CIDEA: variants seen among roughly 807,000 people sequenced by gnomAD.
CIDEA encodes cell death inducing DFFA like effector a, also known as lipid transferase CIDEA.
A neutral mutation model predicts 18.2 loss-of-function variants in CIDEA; 10 were observed. The observed-to-expected ratio is 0.55, with a 90% confidence interval of 0.34 to 0.93. CIDEA has a LOEUF of 0.93. Among genes scored for constraint, CIDEA ranks in the 40% least tolerant of loss-of-function variants. CIDEA has a pLI of 0.02. For synonymous variants in CIDEA, 128 were observed against 124.8 expected (o/e 1.03, Z -0.17); for missense variants, 309 against 293.1 (o/e 1.05, Z -0.40).
chr18:12,256,803 TA>T (rs1176525772), intron 1 of CIDEA, among the ~76,000 whole-genome samples: 1 of 152,212 alleles, frequency 6.6e-6, no homozygotes, highest in Non-Finnish European at 1.5e-5. Context: ...TTCTTGAATT[TA>T]AATTCTTATT....
chr18:12,271,428 G>A (rs548393675), intron 3 of CIDEA, among the ~76,000 whole-genome samples: 156 of 152,366 alleles, frequency 1.0e-3, no homozygotes, highest in African/African-American at 3.6e-3. Context: ...GCGAGGGGCC[G>A]GGCCTGCCCC....
Position 12,277,260 on chromosome 18 carries a change from C to T in CIDEA, c.650C>T (p.Thr217Met), listed in dbSNP as rs1301650915. Reference protein sequence around the residue: ...SLRSQAKGRFTCG With the variant: ...SLRSQAKGRFMCG ...CGGTCACAAGCCAAGGGCAGGTTCA[C>T]GTGTGGATAGGGATGCAGGCTGTCG... The change falls in exon 5 of 5, where the codon ACG becomes ATG. Residue 217 changes from threonine (T) to methionine (M), a missense_variant. Transcript: ENST00000320477. 4 of 1,614,178 alleles carry T rather than the reference C, an allele frequency of 2.5e-6. No individual in the cohort carries two copies. Among genetic ancestry groups the T allele is most frequent in the Non-Finnish European group, 3.4e-6 (4 of 1,180,036 alleles).
chr18:12,257,688 A>G (rs867129284), intron 1 of CIDEA, among the ~76,000 whole-genome samples: 1 of 152,304 alleles, frequency 6.6e-6, no homozygotes, highest in Middle Eastern at 3.4e-3. Context: ...TCCTTAAACA[A>G]ACTGTTTCCT....
At chr18:12,254,533 T>C (rs1177063407) in intron 1 of CIDEA, 112 bp downstream of exon 1, 1 of 1,535,342 alleles carries the variant, frequency 6.5e-7, no homozygotes, top group East Asian at 2.4e-5. Flanking sequence ...TTCAGCCCCC[T>C]GCTCCCCGCA....
At position 12,274,134 on chromosome 18, in the gene CIDEA, G is replaced by C; in HGVS notation, c.372G>C (p.Ser124=). ...CCACTTGCTCGCCGCCGAAGAGGTC[G>C]GGAATAGCGAGAGTCACCTTCGACT... ...HVPTCSPPKR[S]GIARVTFDLY... is the part of the protein sequence containing the mutation. The change falls in exon 4 of 5, where the codon TCG becomes TCC. Residue 124 remains serine, a synonymous_variant. Coordinates refer to ENST00000320477, the MANE Select transcript of CIDEA (RefSeq NM_001279.4). 1 of 1,614,214 alleles carries C rather than the reference G, an allele frequency of 6.2e-7. No homozygotes were observed. Among genetic ancestry groups the C allele is most frequent in the South Asian group, 1.1e-5 (1 of 91,074 alleles).
rs146146065 is a variant in CIDEA, at chr18:12,277,236, G to A, written c.626G>A (p.Arg209Gln). ...GACAAGGAAGAGCGGCCATCCCTCC[G>A]GTCACAAGCCAAGGGCAGGTTCACG... ...LDDKEERPSL[R>Q]SQAKGRFTCG Residue 209 changes from arginine (R) to glutamine (Q), a missense_variant, in exon 5 of 5, where the codon CGG (arginine) becomes CAG (glutamine). Coordinates refer to ENST00000320477, the MANE Select transcript of CIDEA (RefSeq NM_001279.4). 1.8e-4 allele frequency: 289 copies of A among 1,614,076 alleles called. 2 individuals are homozygous for A. The South Asian group carries it at 1.9e-3, about 11-fold the overall frequency.
chr18:12,277,027 T>C, intron 4 of CIDEA, 96 bp from the exon 5 acceptor site: 2 of 1,370,286 alleles, frequency 1.5e-6, no homozygotes, highest in South Asian at 2.5e-5. Context: ...CTCCTCCGAG[T>C]GCCTTTTGGT....
chr18:12,260,027 C>T lies in CIDEA; in HGVS notation c.39-2798C>T, dbSNP rs140088166. Among the ~76,000 whole-genome samples, 91 of 152,272 alleles carry T rather than the reference C, an allele frequency of 6.0e-4. 1 individual carries two copies. Among genetic ancestry groups the T allele is most frequent in the East Asian group, 5.4e-3 (28 of 5,182 alleles). On this transcript the variant is annotated intron_variant, in intron 1 of 4. Transcript: ENST00000320477. ...CAATGACCTTGGTCTGGTTCTAGAA[C>T]GACACTTTGTTGGTGAGGCACCTGG...
rs149108439 is a variant in CIDEA at position 12,275,993 on chromosome 18, C to CTTTTTTTTTTTT, written c.513-1128_513-1127insTTTTTTTTTTTT. 5.3e-4 allele frequency among the ~76,000 whole-genome samples: 69 copies of CTTTTTTTTTTTT among 129,678 alleles called. 3 individuals are homozygous for CTTTTTTTTTTTT. Among genetic ancestry groups the CTTTTTTTTTTTT allele is most frequent in the Non-Finnish European group, 7.6e-4 (47 of 62,066 alleles). The allele number at this position is 129,678 out of a possible 152,430, so 85.1% of individuals were successfully genotyped here. A position where few individuals can be genotyped will look rare whatever the true frequency, so the allele number is the denominator to read the frequency against. The stretch of plus-strand genomic sequence containing the variant: ...GTGAAATCTTTTTTCTTTTTCTTTT[C>CTTTTTTTTTTTT]TTATTTTTTTTCTTTTTTGAGACGG... On this transcript the variant is annotated intron_variant, in intron 4 of 4. Transcript: ENST00000320477.
intron 1 of CIDEA, among the ~76,000 whole-genome samples, chr18:12,262,432 G>A (rs1912219557): frequency 6.6e-6 from 1 of 152,208 alleles, no homozygotes; most frequent in Admixed American, 6.5e-5. Context: ...ACGTGTCTGA[G>A]TGCACTGAGT....
chr18:12,271,116 C>G (rs925643127), intron 3 of CIDEA, among the ~76,000 whole-genome samples: 5 of 152,064 alleles, frequency 3.3e-5, no homozygotes, highest in Non-Finnish European at 7.4e-5. Context: ...CCAGGCTGGT[C>G]TCAAACTCCT....
intron 3 of CIDEA, among the ~76,000 whole-genome samples, chr18:12,271,519 C>T (rs1025841506): frequency 1.3e-5 from 2 of 152,094 alleles, no homozygotes; most frequent in African/African-American, 4.8e-5. Flanking sequence ...GGTTTCATGC[C>T]ACTGAGGTTC....
At position 12,254,393 on chromosome 18, in the gene CIDEA, G is replaced by T. The variant is rs138688596; in HGVS notation, c.10G>T (p.Ala4Ser). ...CTAGGGGATCCGCGCCATGGAGGCC[G>T]CCCGGGACTATGCAGGAGCCCTCAT... MEA[A>S]RDYAGALIRP... Residue 4 changes from alanine (A) to serine (S), a missense_variant, in exon 1 of 5, where the codon GCC (alanine) becomes TCC (serine). Ala to Ser is a moderately conservative substitution (Grantham distance 99, BLOSUM62 1). Transcript: ENST00000320477. The T allele has an allele frequency of 3.2e-6, 5 of 1,554,528 alleles. No homozygotes were observed. Among genetic ancestry groups the T allele is most frequent in the East Asian group, 2.3e-5 (1 of 44,160 alleles).
intron 4 of CIDEA, among the ~76,000 whole-genome samples, chr18:12,276,919 C>T (rs1905354185): frequency 6.6e-6 from 1 of 152,202 alleles, no homozygotes; most frequent in African/African-American, 2.4e-5. Context: ...GAGACCTGCT[C>T]CTGGCCAGAC....
chr18:12,254,840 G>A (rs1023596030), intron 1 of CIDEA: 7 of 1,336,514 alleles, frequency 5.2e-6, no homozygotes, highest in Non-Finnish European at 6.9e-6. Flanking sequence ...GGGCTTCTGG[G>A]GGTCCTGGAA....
chr18:12,266,599 G>A (rs140294047), intron 3 of CIDEA, among the ~76,000 whole-genome samples: 11 of 152,314 alleles, frequency 7.2e-5, no homozygotes, highest in Admixed American at 2.6e-4. Flanking sequence ...AGAGCTGAAG[G>A]TAATGATAAA....
At chr18:12,274,403 T>C (rs1568106928) in intron 4 of CIDEA, 129 bp downstream of exon 4, 3 of 762,524 alleles carry the variant, frequency 3.9e-6, no homozygotes, top group Non-Finnish European at 6.4e-6. Context: ...TGGAGTAATG[T>C]TGTCTGGAGG....
intron 1 of CIDEA, 125 bp from the exon 2 acceptor site, chr18:12,262,700 T>C (rs1912225778): frequency 3.3e-6 from 3 of 902,146 alleles, no homozygotes; most frequent in South Asian, 3.4e-5. Context: ...TAATTTTTAG[T>C]AATCCCAACA....
At chr18:12,273,867 C>T (rs1476783538) in intron 3 of CIDEA, among the ~76,000 whole-genome samples, 2 of 152,186 alleles carry the variant, frequency 1.3e-5, no homozygotes, top group Admixed American at 6.5e-5. Context: ...ACCCTGAGTC[C>T]GGAACTGAAG....
Sources: allele counts gnomAD v4.1 joint callset (sites outside exome capture counted in the v4.1 genomes callset), GRCh38; gene constraint gnomAD v4.1.1; transcripts MANE v1.5; gene names NCBI Gene and HGNC (gene_info 2026-07-23, HGNC 2026-07-21).